FANCA: variants seen among roughly 807,000 people sequenced by gnomAD.
FANCA encodes the protein FA complementation group A, also known as Fanconi anemia group A protein.
FANCA carries 236 observed loss-of-function variants against 194.3 expected under a neutral mutation model. The observed-to-expected ratio is 1.21, with a 90% CI of 1.09 to 1.35. FANCA has a LOEUF of 1.35. Ranked by LOEUF, FANCA falls within the 40% of genes most tolerant of loss-of-function variation. The probability of loss-of-function intolerance (pLI) is 0.00; values close to 1 mark genes in which losing one functional copy is unlikely to be tolerated. For synonymous variants in FANCA, 1,014 were observed against 715.8 expected (o/e 1.42, Z -6.65); for missense variants, 2,628 against 1,813.9 (o/e 1.45, Z -8.15).
rs1448404007 is a variant in FANCA, at chr16:89,791,217, G to C, written c.1359+186C>G. ...GAACATGCAGAGGAAGATCCGCTGA[G>C]GCCCCGACAGGGAGAACCCAGGCTC... On this transcript the variant is annotated intron_variant, in intron 14 of 42. Coordinates refer to ENST00000389301, the MANE Select transcript of FANCA (RefSeq NM_000135.4). 24 of 741,208 alleles carry C rather than the reference G, an allele frequency of 3.2e-5. No homozygotes were observed. The East Asian group carries it at 5.7e-4, about 18-fold the overall frequency. The allele number at this position is 741,208 out of a possible 1,614,324, so 45.9% of individuals were successfully genotyped here.
intron 1 of FANCA, 197 bp downstream of exon 1, chr16:89,816,340 G>A (rs2041123856): frequency 7.0e-6 from 2 of 286,284 alleles, no homozygotes; most frequent in Non-Finnish European, 1.3e-5. Context: ...GCGGCTGGGG[G>A]CGTCCGCCCA....
At position 89,764,998 on chromosome 16, in the gene FANCA, G is replaced by C; in HGVS notation, c.2670C>G (p.Ser890Arg). 1.9e-6 allele frequency: 3 copies of C among 1,614,240 alleles called. No individual in the cohort carries two copies. The highest frequency in any genetic ancestry group is 2.5e-6 in the Non-Finnish European group (3 of 1,180,040). The change falls in exon 28 of 43, where the codon AGC becomes AGG. Residue 890 changes from serine to arginine, a missense_variant. Coordinates refer to ENST00000389301, the MANE Select transcript of FANCA (RefSeq NM_000135.4). The stretch of plus-strand genomic sequence containing the variant: ...GAAGGTGCAAGGGTCTCCAGGAAAG[G>C]CTGGCTACGTCCTCCTCAGAAAGAG... ...RQPLSEEDVA[S>R]LSWRPLHLPS...
Position 89,778,870 on chromosome 16 carries a change from CTG to C in FANCA, c.1777-22_1777-21del, listed in dbSNP as rs33923228. 4.8e-4 allele frequency: 776 copies of C among 1,613,900 alleles called. 2 individuals carry two copies. In the African/African-American group the frequency reaches 9.4e-3, roughly 20 times the overall value. On this transcript the variant is annotated intron_variant, in intron 19 of 42. Coordinates refer to ENST00000389301, the MANE Select transcript of FANCA (RefSeq NM_000135.4). ...GGGGAGCTGTGGGAAGAGAAGAGAC[CTG>C]TGAGAGACTGACAAGGAAAGTCCTT...
At chr16:89,776,349 A>G (rs2039506128) in intron 20 of FANCA, among the ~76,000 whole-genome samples, 1 of 150,616 alleles carries the variant, frequency 6.6e-6, no homozygotes, top group South Asian at 2.1e-4. Context: ...TTGTATTTTT[A>G]GTAGAGACGG....
intron 10 of FANCA, chr16:89,798,390 G>T: frequency 9.5e-7 from 1 of 1,054,234 alleles, no homozygotes; most frequent in Non-Finnish European, 1.1e-6. Flanking sequence ...CACTGTTTCA[G>T]TAAAAGTACC....
intron 17 of FANCA, 92 bp from the exon 18 acceptor site, chr16:89,780,049 G>C (rs2039648265): frequency 8.9e-7 from 1 of 1,120,596 alleles, no homozygotes; most frequent in East Asian, 2.5e-5. Context: ...GTGCTTCCTT[G>C]TTGAAAGGCT....
At chr16:89,768,393 C>T (rs1042337926) in intron 26 of FANCA, among the ~76,000 whole-genome samples, 2 of 152,130 alleles carry the variant, frequency 1.3e-5, no homozygotes. Flanking sequence ...TTGAGCTGGG[C>T]GTGGAGGCTC....
intron 6 of FANCA, among the ~76,000 whole-genome samples, chr16:89,806,747 T>C (rs911206355): frequency 2.6e-5 from 4 of 152,294 alleles, no homozygotes; most frequent in South Asian, 4.1e-4. Context: ...CCGTGTCTAC[T>C]TCTTTCTACA....
At chr16:89,789,034 G>A (rs1475195594) in intron 14 of FANCA, among the ~76,000 whole-genome samples, 3 of 151,884 alleles carry the variant, frequency 2.0e-5, no homozygotes, top group Non-Finnish European at 2.9e-5. Flanking sequence ...GCGGCTCGGG[G>A]AGACCCATCA....
At chr16:89,796,041 G>A in intron 10 of FANCA, 23 bp from the exon 11 acceptor site, 2 of 1,577,572 alleles carry the variant, frequency 1.3e-6, no homozygotes, top group Non-Finnish European at 1.7e-6. Context: ...CAGAAAGAGG[G>A]GTCAGGAAAG....
At position 89,797,417 on chromosome 16, in the gene FANCA, T is replaced by C. The variant is rs143282223; in HGVS notation, c.894-1399A>G. Among the ~76,000 whole-genome samples the C allele has an allele frequency of 3.5e-4, 54 of 152,296 alleles. No individual in the cohort carries two copies. In the East Asian group the frequency reaches 9.7e-3, roughly 27 times the overall value. On this transcript the variant is annotated intron_variant, in intron 10 of 42. Transcript: ENST00000389301. ...GGGTCACACACCCAACGAGGCCACG[T>C]CGGCTCTGTGCAAACTCAAGACACT... is the stretch of plus-strand genomic sequence containing the variant.
intron 20 of FANCA, among the ~76,000 whole-genome samples, chr16:89,776,341 G>C (rs1974572): frequency 0.4 from 60,113 of 149,738 alleles, 13,180 homozygotes; most frequent in East Asian, 0.75. Context: ...CTAATTTTTT[G>C]TATTTTTAGT....
chr16:89,761,670 G>T (rs2038959079), intron 29 of FANCA, among the ~76,000 whole-genome samples: 2 of 152,160 alleles, frequency 1.3e-5, no homozygotes, highest in South Asian at 4.1e-4. Context: ...CGTTGCACAG[G>T]CTAAAGTGCA....
intron 22 of FANCA, among the ~76,000 whole-genome samples, chr16:89,772,619 C>T (rs994674199): frequency 2.0e-5 from 3 of 152,144 alleles, no homozygotes; most frequent in African/African-American, 2.4e-5. Flanking sequence ...GATTTCAAAA[C>T]CAGCCTGGCC....
At chr16:89,766,919 A>G (rs559095003) in intron 27 of FANCA, among the ~76,000 whole-genome samples, 1 of 152,286 alleles carries the variant, frequency 6.6e-6, no homozygotes, top group East Asian at 1.9e-4. Flanking sequence ...CTCAGAGAAC[A>G]CAAGGAAAGG....
At chr16:89,781,312 T>A (rs1306590553) in intron 17 of FANCA, among the ~76,000 whole-genome samples, 1 of 128,814 alleles carries the variant, frequency 7.8e-6, no homozygotes, top group South Asian at 2.4e-4. Flanking sequence ...TGCAGTGAGC[T>A]GAGACTGCGC....
intron 30 of FANCA, among the ~76,000 whole-genome samples, chr16:89,753,621 C>T (rs1037513889): frequency 6.6e-6 from 1 of 152,310 alleles, no homozygotes; most frequent in African/African-American, 2.4e-5. Flanking sequence ...AGGAAATCTT[C>T]TCAATCTAGT....
Position 89,784,890 on chromosome 16 carries a change from T to G in FANCA, c.1434A>C (p.Ser478=), listed in dbSNP as rs2039845662. The part of the protein sequence containing the change: ...KALVFLFTFL[S]ELVPFESPRY... Reference sequence around the variant, plus strand: ...GGGGAGACTCAAAAGGCACGAGTTCTGACAAGAACGTAAACAGGAAGACCA... The same window carrying G: ...GGGGAGACTCAAAAGGCACGAGTTCGGACAAGAACGTAAACAGGAAGACCA... Residue 478 remains serine, a synonymous_variant, in exon 15 of 43, where the codon TCA becomes TCC. Coordinates refer to ENST00000389301, the MANE Select transcript of FANCA (RefSeq NM_000135.4). 1.9e-6 allele frequency: 3 copies of G among 1,614,044 alleles called. No individual in the cohort carries two copies. The South Asian group carries it at 3.3e-5, about 18-fold the overall frequency.
At chr16:89,771,934 TC>T in intron 22 of FANCA, 120 bp from the exon 23 acceptor site, 1 of 1,180,916 alleles carries the variant, frequency 8.5e-7, no homozygotes, top group Non-Finnish European at 1.2e-6. Context: ...ACTGCACACA[TC>T]CCCCAGCCAG....
Sources: gnomAD v4.1 joint callset for allele counts (sites outside exome capture counted in the v4.1 genomes callset) on GRCh38, gnomAD v4.1.1 for gene constraint, MANE v1.5 for transcripts, NCBI Gene and HGNC (gene_info 2026-07-23, HGNC 2026-07-21) for gene names.